Variants in PALM2AKAP2 observed in about 807,000 individuals in gnomAD.
PALM2AKAP2 encodes the protein PALM2 and AKAP2 fusion.
A neutral mutation model predicts 71.5 loss-of-function variants in PALM2AKAP2; 37 were observed. The observed-to-expected ratio is 0.52, with a 90% CI of 0.40 to 0.68. The LOEUF (loss-of-function observed/expected upper bound fraction) is 0.68, where lower values mean the gene tolerates loss of function less well. Among genes scored for constraint, PALM2AKAP2 ranks in the 30% least tolerant of loss-of-function variants. The probability of loss-of-function intolerance (pLI) is 0.00; values close to 1 mark genes in which losing one functional copy is unlikely to be tolerated. For missense variants in PALM2AKAP2, 1,224 were observed against 1,191.8 expected (o/e 1.03, Z -0.40); for synonymous variants, 468 against 478.8 (o/e 0.98, Z 0.29).
chr9:110,091,456 A>ATTATTTTTTT (rs1194438639), intron 1 of PALM2AKAP2, among the ~76,000 whole-genome samples: 1 of 67,426 alleles, frequency 1.5e-5, no homozygotes, highest in African/African-American at 6.9e-5. Context: ...TTTGAGATTT[A>ATTATTTTTTT]TTCTTTTTTT....
intron 1 of PALM2AKAP2, among the ~76,000 whole-genome samples, chr9:109,750,570 A>AAGTGTGTGTGTGTGTGTGTGTGTG (rs746154004): frequency 3.1e-5 from 3 of 97,764 alleles, no homozygotes; most frequent in African/African-American, 1.2e-4. Context: ...CTGCCCTAGG[A>AAGTGTGTGTGTGTGTGTGTGTGTG]CGTGTGTGTG....
intron 7 of PALM2AKAP2, among the ~76,000 whole-genome samples, chr9:110,029,687 T>C (rs1833243720): frequency 6.6e-6 from 1 of 152,218 alleles, no homozygotes; most frequent in Non-Finnish European, 1.5e-5. Flanking sequence ...TACCAAAGTC[T>C]ATGACTTGTG....
chr9:110,011,010 A>ATATATATATATAT (rs1417017283), intron 6 of PALM2AKAP2, among the ~76,000 whole-genome samples: 20 of 88,938 alleles, frequency 2.2e-4, no homozygotes, highest in African/African-American at 1.2e-3. Context: ...AAAAAAAAAA[A>ATATATATATATAT]AAAAATATAT....
chr9:110,014,614 A>C (rs537050186), intron 6 of PALM2AKAP2, among the ~76,000 whole-genome samples: 2 of 150,990 alleles, frequency 1.3e-5, no homozygotes, highest in Admixed American at 6.6e-5. Flanking sequence ...CTCTACTAAA[A>C]ATACAAAAAT....
intron 1 of PALM2AKAP2, among the ~76,000 whole-genome samples, chr9:110,100,931 G>A (rs1834982494): frequency 6.6e-6 from 1 of 152,170 alleles, no homozygotes; most frequent in African/African-American, 2.4e-5. Context: ...GGCTTCCGGG[G>A]AGGTGAGTGC....
Position 109,667,928 on chromosome 9 carries a change from G to GTTTTTTTTT in PALM2AKAP2, c.5+27080_5+27088dup, listed in dbSNP as rs1213195298. 8.8e-5 allele frequency among the ~76,000 whole-genome samples: 5 copies of GTTTTTTTTT among 56,614 alleles called. 2 individuals are homozygous for GTTTTTTTTT. The highest frequency in any genetic ancestry group is 5.4e-4 in the African/African-American group (4 of 7,456). The allele number at this position is 56,614 out of a possible 152,430, so 37.1% of individuals were successfully genotyped here. ...AATACCTTTGAAAATGATGGCTTTG[G>GTTTTTTTTT]TTTTTTTTTTTTTTTTTTTTTTTTT... On this transcript the variant is annotated intron_variant, in intron 1 of 6. Coordinates refer to the PALM2AKAP2 transcript ENST00000374531.
chr9:109,909,883 G>C (rs1254482091), intron 3 of PALM2AKAP2, among the ~76,000 whole-genome samples: 1 of 152,210 alleles, frequency 6.6e-6, no homozygotes, highest in Non-Finnish European at 1.5e-5. Context: ...ATGAGAGGCT[G>C]GGAGTGTGTC....
At chr9:109,883,953 C>T (rs1829909958) in intron 3 of PALM2AKAP2, among the ~76,000 whole-genome samples, 1 of 152,168 alleles carries the variant, frequency 6.6e-6, no homozygotes. Flanking sequence ...CTCAGACTGC[C>T]CACAAGCCAT....
intron 7 of PALM2AKAP2, among the ~76,000 whole-genome samples, chr9:110,029,293 C>T (rs1192597311): frequency 6.6e-6 from 1 of 152,162 alleles, no homozygotes; most frequent in Non-Finnish European, 1.5e-5. Flanking sequence ...GTTGGGATAT[C>T]AGTGTTAGCC....
chr9:109,838,991 T>C (rs1828571584), intron 1 of PALM2AKAP2, among the ~76,000 whole-genome samples: 3 of 152,182 alleles, frequency 2.0e-5, no homozygotes, highest in Admixed American at 2.0e-4. Context: ...TCTGAAACGA[T>C]TCCAATGAAT....
chr9:109,989,631 T>C, intron 6 of PALM2AKAP2, among the ~76,000 whole-genome samples: 1 of 152,256 alleles, frequency 6.6e-6, no homozygotes, highest in Non-Finnish European at 1.5e-5. Context: ...TAAGAGATTC[T>C]TCTCAGGAGT....
intron 1 of PALM2AKAP2, among the ~76,000 whole-genome samples, chr9:109,773,990 T>C (rs1829312228): frequency 6.6e-6 from 1 of 152,222 alleles, no homozygotes; most frequent in African/African-American, 2.4e-5. Context: ...ATTTCATTAT[T>C]CATTCCCCAG....
chr9:109,764,433 CT>C (rs1829114299), intron 1 of PALM2AKAP2, among the ~76,000 whole-genome samples: 3 of 152,114 alleles, frequency 2.0e-5, no homozygotes, highest in South Asian at 2.1e-4. Flanking sequence ...TACCTCCCCC[CT>C]AGCCCCCATT....
intron 6 of PALM2AKAP2, among the ~76,000 whole-genome samples, chr9:109,963,698 C>T (rs1219469801): frequency 6.6e-6 from 1 of 152,188 alleles, no homozygotes; most frequent in Admixed American, 6.5e-5. Context: ...TACCCCTGTC[C>T]CCTGACTGTG....
intron 1 of PALM2AKAP2, among the ~76,000 whole-genome samples, chr9:109,766,956 A>G (rs2118753206): frequency 6.6e-6 from 1 of 152,238 alleles, no homozygotes; most frequent in East Asian, 1.9e-4. Context: ...CATTTGTGAG[A>G]ATGCTGCTGA....
At chr9:109,958,954 T>A (rs1443310055) in intron 6 of PALM2AKAP2, among the ~76,000 whole-genome samples, 1 of 152,188 alleles carries the variant, frequency 6.6e-6, no homozygotes, top group Non-Finnish European at 1.5e-5. Context: ...TGGTTGAAAA[T>A]AAGAGTCTGA....
chr9:109,742,784 T>C (rs962005355), intron 1 of PALM2AKAP2, among the ~76,000 whole-genome samples: 27 of 152,184 alleles, frequency 1.8e-4, no homozygotes, highest in Admixed American at 4.6e-4. Flanking sequence ...AAAAAGCATA[T>C]GTGGACAACA....
At chr9:110,001,883 G>A (rs1832687955) in intron 6 of PALM2AKAP2, among the ~76,000 whole-genome samples, 3 of 152,310 alleles carry the variant, frequency 2.0e-5, no homozygotes, top group Admixed American at 2.0e-4. Context: ...AGACTTTGCT[G>A]AAATTGCTTA....
chr9:109,687,806 C>T (rs1027342370), intron 1 of PALM2AKAP2, among the ~76,000 whole-genome samples: 4 of 152,222 alleles, frequency 2.6e-5, no homozygotes, highest in African/African-American at 9.7e-5. Flanking sequence ...ACATGCCTTT[C>T]TCACTAAGCT....
Sources: allele counts gnomAD v4.1 joint callset (sites outside exome capture counted in the v4.1 genomes callset), GRCh38; gene constraint gnomAD v4.1.1; transcripts MANE v1.5; gene names NCBI Gene and HGNC (gene_info 2026-07-23, HGNC 2026-07-21).